Variants in KAZN observed in about 807,000 individuals in gnomAD.
KAZN encodes the protein kazrin.
A neutral mutation model predicts 87.4 loss-of-function variants in KAZN; 40 were observed. That is an observed-to-expected ratio of 0.46 (90% CI 0.36 to 0.60). KAZN has a LOEUF of 0.60. KAZN is among the 20% of genes least tolerant of loss of function. The pLI is 0.00. For synonymous variants in KAZN, 466 were observed against 458.3 expected (o/e 1.02, Z -0.22); for missense variants, 898 against 1,073.9 (o/e 0.84, Z 2.29).
At chr1:15,045,145 G>A (rs1673344547) in intron 4 of KAZN, among the ~76,000 whole-genome samples, 1 of 152,164 alleles carries the variant, frequency 6.6e-6, no homozygotes, top group Non-Finnish European at 1.5e-5. Flanking sequence ...TTACTGGGCT[G>A]GGAGTGGAGT....
intron 2 of KAZN, among the ~76,000 whole-genome samples, chr1:14,568,110 C>G (rs1438482644): frequency 6.6e-6 from 1 of 152,188 alleles, no homozygotes; most frequent in African/African-American, 2.4e-5. Flanking sequence ...CTGACCTCAT[C>G]AGGTGAGCCC....
chr1:15,011,613 T>A (rs1190792661), intron 2 of KAZN, among the ~76,000 whole-genome samples: 1 of 152,220 alleles, frequency 6.6e-6, no homozygotes, highest in African/African-American at 2.4e-5. Context: ...AGACTTGAAG[T>A]GTTTTTGTTT....
At chr1:14,754,234 G>T (rs900698854) in intron 1 of KAZN, among the ~76,000 whole-genome samples, 6 of 152,190 alleles carry the variant, frequency 3.9e-5, no homozygotes, top group Non-Finnish European at 8.8e-5. Flanking sequence ...GAAAGACAAT[G>T]ATTTATGTGG....
intron 1 of KAZN, among the ~76,000 whole-genome samples, chr1:14,821,889 G>C (rs1048998913): frequency 1.3e-5 from 2 of 152,130 alleles, no homozygotes; most frequent in African/African-American, 4.8e-5. Flanking sequence ...GCAGAGTCCC[G>C]TCTGCCCTCA....
chr1:14,989,355 A>G (rs544866328), intron 2 of KAZN, among the ~76,000 whole-genome samples: 10 of 152,272 alleles, frequency 6.6e-5, no homozygotes, highest in African/African-American at 2.4e-4. Flanking sequence ...GCACACCTGA[A>G]ATCCCAGCTA....
At chr1:14,794,008 C>A (rs1337514271) in intron 1 of KAZN, among the ~76,000 whole-genome samples, 1 of 152,198 alleles carries the variant, frequency 6.6e-6, no homozygotes, top group African/African-American at 2.4e-5. Context: ...AGTAACACCA[C>A]AGGTCCTGAC....
intron 1 of KAZN, among the ~76,000 whole-genome samples, chr1:14,155,191 T>C (rs113811430): frequency 0.029 from 4,435 of 150,564 alleles, 216 homozygotes; most frequent in African/African-American, 0.1. Flanking sequence ...AGAATTTTTA[T>C]TACAGCTTTG....
At position 14,343,102 on chromosome 1, in the gene KAZN, C is replaced by T. The variant is rs561217127; in HGVS notation, c.249+162510C>T. ...GTTGCAGTGCAGTGAGCCGAGATTG[C>T]GCCATTGCACTCCAGCCTGGGAGAC... On this transcript the variant is annotated intron_variant, in intron 2 of 16. Transcript: ENST00000636203. 7.9e-5 allele frequency among the ~76,000 whole-genome samples: 12 copies of T among 152,238 alleles called. No homozygotes were observed. In the South Asian group the frequency reaches 2.5e-3, roughly 32 times the overall value.
chr1:14,695,183 C>A (rs1490569560), intron 1 of KAZN, among the ~76,000 whole-genome samples: 1 of 152,184 alleles, frequency 6.6e-6, no homozygotes, highest in Non-Finnish European at 1.5e-5. Flanking sequence ...CTTCATTGAA[C>A]AACCAAATAA....
rs571140958 is a variant in KAZN, at chr1:14,052,097, A to G, written c.92-128338A>G. On this transcript the variant is annotated intron_variant, in intron 1 of 16. Coordinates refer to the KAZN transcript ENST00000636203. Reference sequence around the variant, plus strand: ...TGCTGGAGAATACGCTCCTTGATTCAGGACCCAAATCTCAGGCTCTTCCTG... The same window carrying G: ...TGCTGGAGAATACGCTCCTTGATTCGGGACCCAAATCTCAGGCTCTTCCTG... Among the ~76,000 whole-genome samples, 4 of 152,274 alleles carry G rather than the reference A, an allele frequency of 2.6e-5. 2 individuals carry two copies. The highest frequency in any genetic ancestry group is 9.6e-5 in the African/African-American group (4 of 41,558).
chr1:13,927,556 A>G (rs1158568372), intron 1 of KAZN, among the ~76,000 whole-genome samples: 2 of 151,752 alleles, frequency 1.3e-5, no homozygotes, highest in Non-Finnish European at 2.9e-5. Context: ...ACTTTTATCC[A>G]CTTTGGACCT....
chr1:14,016,183 C>A (rs565974769), intron 1 of KAZN, among the ~76,000 whole-genome samples: 1 of 152,214 alleles, frequency 6.6e-6, no homozygotes, highest in East Asian at 1.9e-4. Flanking sequence ...CGAAGCATTG[C>A]CAAAGCCTGG....
chr1:14,260,837 G>T (rs1367039817), intron 2 of KAZN, among the ~76,000 whole-genome samples: 1 of 152,198 alleles, frequency 6.6e-6, no homozygotes, highest in Non-Finnish European at 1.5e-5. Context: ...GCTCAAAGCG[G>T]TTAAGTCGCC....
At chr1:14,804,433 GC>G (rs1646139488) in intron 1 of KAZN, among the ~76,000 whole-genome samples, 3 of 152,286 alleles carry the variant, frequency 2.0e-5, no homozygotes, top group African/African-American at 7.2e-5. Context: ...AAACTCCCAT[GC>G]CAGGAACAGA....
At chr1:14,528,337 C>CAAAAAAAAAAAAAAAAAAA (rs33960231) in intron 2 of KAZN, among the ~76,000 whole-genome samples, 1 of 49,368 alleles carries the variant, frequency 2.0e-5, no homozygotes. Context: ...GACTCCATCT[C>CAAAAAAAAAAAAAAAAAAA]AAAAAAAAAA....
At chr1:14,638,579 C>G (rs112453617) in intron 1 of KAZN, among the ~76,000 whole-genome samples, 1 of 128,744 alleles carries the variant, frequency 7.8e-6, no homozygotes, top group African/African-American at 3.0e-5. Flanking sequence ...AAAAAAAAAA[C>G]AAAAAAAAAA....
intron 2 of KAZN, among the ~76,000 whole-genome samples, chr1:14,409,547 A>G (rs1301628341): frequency 6.6e-6 from 1 of 152,192 alleles, no homozygotes; most frequent in Admixed American, 6.5e-5. Context: ...AGAAGCCCCA[A>G]CTTGAAAAGG....
Position 15,027,070 on chromosome 1 carries a change from C to CTTTTTTTTTTTTT in KAZN, c.419-7662_419-7650dup, listed in dbSNP as rs71000358. 2.7e-4 allele frequency among the ~76,000 whole-genome samples: 15 copies of CTTTTTTTTTTTTT among 56,122 alleles called. 1 individual carries two copies. Among genetic ancestry groups the CTTTTTTTTTTTTT allele is most frequent in the African/African-American group, 6.7e-4 (10 of 14,868 alleles). The allele number at this position is 56,122 out of a possible 152,430, so 36.8% of individuals were successfully genotyped here. A position where few individuals can be genotyped will look rare whatever the true frequency, so the allele number is the denominator to read the frequency against. ...TAGGCAGATTCCCAAGCCAGTGCTT[C>CTTTTTTTTTTTTT]TTTTTTTTTTTTTTTTTTTTTTTTT... On this transcript the variant is annotated intron_variant, in intron 2 of 14. Coordinates refer to ENST00000376030, the MANE Select transcript of KAZN (RefSeq NM_201628.3).
intron 1 of KAZN, among the ~76,000 whole-genome samples, chr1:14,892,362 A>G (rs1204775559): frequency 6.6e-6 from 1 of 152,002 alleles, no homozygotes; most frequent in African/African-American, 2.4e-5. Context: ...TCTGTCTTTC[A>G]GAGGCATCTC....
Sources: gnomAD v4.1 joint callset for allele counts (sites outside exome capture counted in the v4.1 genomes callset) on GRCh38, gnomAD v4.1.1 for gene constraint, MANE v1.5 for transcripts, NCBI Gene and HGNC (gene_info 2026-07-23, HGNC 2026-07-21) for gene names.